The following CHSY1 variants were observed in gnomAD, a reference collection of about 807,000 sequenced individuals.
CHSY1 encodes the protein chondroitin sulfate synthase 1, also known as N-acetylgalactosaminyl-proteoglycan 3-beta-glucuronosyltransferase 1.
A neutral mutation model predicts 59.8 loss-of-function variants in CHSY1; 13 were observed. That is an observed-to-expected ratio of 0.22 (90% CI 0.14 to 0.35). The LOEUF (loss-of-function observed/expected upper bound fraction) is 0.35, where lower values mean the gene tolerates loss of function less well. Ranked by LOEUF, CHSY1 falls within the 10% of genes least tolerant of loss-of-function variation. CHSY1 has a pLI of 1.00. For synonymous variants in CHSY1, 459 were observed against 401.2 expected (o/e 1.14, Z -1.72); for missense variants, 947 against 1,030.6 (o/e 0.92, Z 1.11).
At chr15:101,234,994 T>C in intron 2 of CHSY1, 88 bp downstream of exon 2, 2 of 1,521,670 alleles carry the variant, frequency 1.3e-6, no homozygotes, top group Non-Finnish European at 1.8e-6. Flanking sequence ...AAAGAGGATA[T>C]CATCTCTAGT....
rs376270216 is a variant in CHSY1, at chr15:101,197,552, G to C, written c.817-18572C>G. ...ACAGCCAGAATGATTTTCTAGGAGA[G>C]ACAAATTCAGGGCAAATATCTAAGG... is the stretch of plus-strand genomic sequence containing the variant. On this transcript the variant is annotated intron_variant, in intron 2 of 2. Coordinates refer to ENST00000254190, the MANE Select transcript of CHSY1 (RefSeq NM_014918.5). 1.2e-4 allele frequency among the ~76,000 whole-genome samples: 18 copies of C among 152,234 alleles called. No individual in the cohort carries two copies. In the East Asian group the frequency reaches 3.5e-3, roughly 29 times the overall value.
chr15:101,246,760 C>T (rs1465279711), intron 1 of CHSY1, among the ~76,000 whole-genome samples: 2 of 152,182 alleles, frequency 1.3e-5, no homozygotes, highest in East Asian at 1.9e-4. Context: ...AAAAATCTCT[C>T]CAGGGCAGTA....
chr15:101,227,508 G>A (rs1443211635), intron 2 of CHSY1, among the ~76,000 whole-genome samples: 1 of 152,134 alleles, frequency 6.6e-6, no homozygotes, highest in East Asian at 1.9e-4. Flanking sequence ...TAAATAAAAA[G>A]CTTAAAAAGA....
intron 2 of CHSY1, among the ~76,000 whole-genome samples, chr15:101,229,057 G>A (rs1315507019): frequency 6.6e-6 from 1 of 152,142 alleles, no homozygotes; most frequent in Non-Finnish European, 1.5e-5. Context: ...CAGGTAAGAT[G>A]TTCATCCCCA....
Position 101,198,860 on chromosome 15 carries a change from C to T in CHSY1, c.817-19880G>A, listed in dbSNP as rs151225991. 1.3e-3 allele frequency among the ~76,000 whole-genome samples: 192 copies of T among 152,340 alleles called. 2 individuals are homozygous for T. The East Asian group carries it at 0.028, about 22-fold the overall frequency. On this transcript the variant is annotated intron_variant, in intron 2 of 2. Coordinates refer to ENST00000254190, the MANE Select transcript of CHSY1 (RefSeq NM_014918.5). ...CTGAGCAGCTGGGAGCGAGATCCCA[C>T]GGCCTGCAAAAACCCTAAAACATTT...
chr15:101,220,723 G>A (rs1341638092), intron 2 of CHSY1, among the ~76,000 whole-genome samples: 1 of 152,190 alleles, frequency 6.6e-6, no homozygotes, highest in Non-Finnish European at 1.5e-5. Context: ...TCACAGAAGG[G>A]GACAGGCCTC....
chr15:101,216,491 T>C (rs890231332), intron 2 of CHSY1, among the ~76,000 whole-genome samples: 2 of 152,228 alleles, frequency 1.3e-5, no homozygotes, highest in African/African-American at 2.4e-5. Flanking sequence ...CAAATGTCTT[T>C]CAGTGGGTGA....
chr15:101,247,967 G>A (rs992758227), intron 1 of CHSY1, among the ~76,000 whole-genome samples: 2 of 152,116 alleles, frequency 1.3e-5, no homozygotes, highest in African/African-American at 2.4e-5. Flanking sequence ...GACATTTTCA[G>A]TATTCTACAC....
chr15:101,186,160 A>AG (rs1347861997), intron 2 of CHSY1, among the ~76,000 whole-genome samples: 1 of 150,728 alleles, frequency 6.6e-6, no homozygotes, highest in Non-Finnish European at 1.5e-5. Context: ...AAAAAAAAAA[A>AG]AAAAAAAAAA....
intron 1 of CHSY1, among the ~76,000 whole-genome samples, chr15:101,236,852 A>T (rs2038948592): frequency 6.6e-6 from 1 of 150,800 alleles, no homozygotes; most frequent in African/African-American, 2.4e-5. Flanking sequence ...AAATAATTTT[A>T]AAAACCCCTC....
rs904377170 is a variant in CHSY1 at position 101,176,631 on chromosome 15, T to A, written c.*757A>T. ...TTGCATGGTGAAACCCCGTCTCTACTAAAAATACAAAAAAACTAGCTGGGC... is the reference window on the plus strand; with the variant it reads ...TTGCATGGTGAAACCCCGTCTCTACAAAAAATACAAAAAAACTAGCTGGGC... On this transcript the variant is annotated 3_prime_UTR_variant, in exon 3 of 3. Transcript: ENST00000254190. The A allele has an allele frequency of 2.7e-6, 1 of 370,574 alleles. No individual in the cohort carries two copies. Among genetic ancestry groups the A allele is most frequent in the African/African-American group, 2.1e-5 (1 of 47,910 alleles). 23.0% of individuals were successfully genotyped at this position (370,574 alleles called of 1,614,324 possible).
chr15:101,193,602 G>A (rs1187808345), intron 2 of CHSY1, among the ~76,000 whole-genome samples: 4 of 152,214 alleles, frequency 2.6e-5, no homozygotes, highest in Non-Finnish European at 1.5e-5. Flanking sequence ...TATTTTAATG[G>A]CGTCATCAGC....
chr15:101,235,008 C>T, intron 2 of CHSY1, 74 bp downstream of exon 2: 1 of 1,568,510 alleles, frequency 6.4e-7, no homozygotes, highest in Non-Finnish European at 8.7e-7. Flanking sequence ...CTCTAGTTTC[C>T]TATGATACGC....
At position 101,251,139 on chromosome 15, in the gene CHSY1, G is replaced by A. The variant is rs1424611325; in HGVS notation, c.318C>T (p.Tyr106=). 3.8e-6 allele frequency: 6 copies of A among 1,583,342 alleles called. No homozygotes were observed. The highest frequency in any genetic ancestry group is 2.3e-5 in the South Asian group (2 of 87,562). Residue 106 remains tyrosine (Y), a splice_region_variant and synonymous_variant, in exon 1 of 3, where the codon TAC becomes TAT. Transcript: ENST00000254190. ...KYLQTRAVAA[Y]RTWSKTIPGK... ...GTGCCCGGGGAGCAGGGGCTCACCT[G>A]TAGGCGGCCACGGCCCGAGTCTGCA...
At chr15:101,221,682 TA>T (rs1057166675) in intron 2 of CHSY1, among the ~76,000 whole-genome samples, 2 of 152,178 alleles carry the variant, frequency 1.3e-5, no homozygotes, top group African/African-American at 4.8e-5. Context: ...CTTTCTGCCT[TA>T]AATAAACCAC....
chr15:101,234,396 C>T (rs8040504), intron 2 of CHSY1, among the ~76,000 whole-genome samples: 44,095 of 152,032 alleles, frequency 0.29, 8,331 homozygotes, highest in African/African-American at 0.54. Flanking sequence ...AAGAGCCAGG[C>T]CTTTGCAAAA....
In CHSY1 at chr15:101,178,147, A is replaced by G. The variant is rs2141235410; in HGVS notation, c.1650T>C (p.Phe550=). 1 of 1,614,216 alleles carries G rather than the reference A, an allele frequency of 6.2e-7. No individual in the cohort carries two copies. The highest frequency in any genetic ancestry group is 1.6e-4 in the Middle Eastern group (1 of 6,062). ...GACACGTCTTCTCAAAGTTTCCCAT[A>G]AATCTCACAAACATGTCGAAACGCC... The part of the protein sequence containing the change: ...LSGRFDMFVR[F]MGNFEKTCLI... The change falls in exon 3 of 3, where the codon TTT becomes TTC. Residue 550 remains phenylalanine (F), a synonymous_variant. Coordinates refer to ENST00000254190, the MANE Select transcript of CHSY1 (RefSeq NM_014918.5).
intron 2 of CHSY1, among the ~76,000 whole-genome samples, chr15:101,193,315 G>C (rs2038469085): frequency 6.6e-6 from 1 of 152,240 alleles, no homozygotes; most frequent in Admixed American, 6.5e-5. Context: ...TCATATCCTT[G>C]GGTCAGGGAA....
chr15:101,211,066 G>A (rs1421625488), intron 2 of CHSY1, among the ~76,000 whole-genome samples: 1 of 152,214 alleles, frequency 6.6e-6, no homozygotes, highest in Non-Finnish European at 1.5e-5. Flanking sequence ...GCTCAGGCCT[G>A]TAATCCCAGC....
Sources: gnomAD v4.1 joint callset for allele counts (sites outside exome capture counted in the v4.1 genomes callset) on GRCh38, gnomAD v4.1.1 for gene constraint, MANE v1.5 for transcripts, NCBI Gene and HGNC (gene_info 2026-07-23, HGNC 2026-07-21) for gene names.